DCHS2: variants seen among roughly 807,000 people sequenced by gnomAD.
DCHS2 encodes dachsous cadherin-related 2.
DCHS2 carries 142 observed loss-of-function variants against 182.4 expected under a neutral mutation model. The observed-to-expected ratio is 0.78, with a 90% confidence interval of 0.68 to 0.89. The LOEUF (loss-of-function observed/expected upper bound fraction) is 0.89. Ranked by LOEUF, DCHS2 falls within the 40% of genes least tolerant of loss-of-function variation. The pLI, the probability that DCHS2 is intolerant of heterozygous loss-of-function variation, is 0.00. For missense variants in DCHS2, 4,319 were observed against 4,198.6 expected, an observed-to-expected ratio of 1.03 and a Z score of -0.79; for synonymous variants, 1,740 against 1,663.3, an observed-to-expected ratio of 1.05 and a Z score of -1.12.
chr4:154,446,277 T>C (rs1193031349), intron 1 of DCHS2, among the ~76,000 whole-genome samples: 2 of 152,216 alleles, frequency 1.3e-5, no homozygotes, highest in African/African-American at 4.8e-5. Flanking sequence ...CATGAATCAA[T>C]ACATCCTTGA....
At position 154,491,617 on chromosome 4, in the gene DCHS2, C is replaced by G. The variant is rs1179521546; in HGVS notation, c.-262G>C. 1.5e-6 allele frequency: 2 copies of G among 1,322,196 alleles called. No homozygotes were observed. The highest frequency in any genetic ancestry group is 1.5e-5 in the African/African-American group (1 of 65,932). The allele number at this position is 1,322,196 out of a possible 1,614,324, so 81.9% of individuals were successfully genotyped here. A position where few individuals can be genotyped will look rare whatever the true frequency, so the allele number is the denominator to read the frequency against. ...TCTTCTGCCCCTGGATTTCTTTAAA[C>G]GAATCTCATCTCTTTTTCTCTCTCC... On this transcript the variant is annotated 5_prime_UTR_variant, in exon 1 of 20. Coordinates refer to ENST00000357232, the MANE Select transcript of DCHS2 (RefSeq NM_001358235.2).
intron 1 of DCHS2, among the ~76,000 whole-genome samples, chr4:154,459,059 G>A (rs141711256): frequency 5.6e-4 from 86 of 152,294 alleles, no homozygotes; most frequent in African/African-American, 2.0e-3. Context: ...AGAAGATAAT[G>A]TCTTTGCAGT....
At chr4:154,306,501 T>TA (rs1323800075) in intron 10 of DCHS2, among the ~76,000 whole-genome samples, 6 of 152,174 alleles carry the variant, frequency 3.9e-5, no homozygotes, top group Admixed American at 3.9e-4. Context: ...GCCTACATTA[T>TA]AAAAATGGGA....
intron 1 of DCHS2, among the ~76,000 whole-genome samples, chr4:154,390,370 G>T (rs1432312874): frequency 6.7e-6 from 1 of 149,114 alleles, no homozygotes; most frequent in Non-Finnish European, 1.5e-5. Context: ...GCGGTGTTTG[G>T]TTTTTTGTTC....
At chr4:154,248,656 C>T (rs532085272) in intron 16 of DCHS2, among the ~76,000 whole-genome samples, 82 of 54,502 alleles carry the variant, frequency 1.5e-3, no homozygotes, top group African/African-American at 2.3e-3. Flanking sequence ...AGAAGAAAGC[C>T]GGAGGCACCA....
chr4:154,298,727 A>G lies in DCHS2; in HGVS notation c.5606-19T>C, dbSNP rs1735075995. 2.0e-6 allele frequency: 3 copies of G among 1,534,030 alleles called. No homozygotes were observed. Among genetic ancestry groups the G allele is most frequent in the Non-Finnish European group, 1.7e-6 (2 of 1,143,168 alleles). On this transcript the variant is annotated intron_variant, in intron 12 of 19. Coordinates refer to ENST00000357232, the MANE Select transcript of DCHS2 (RefSeq NM_001358235.2). Reference sequence around the variant, plus strand: ...TTTCCATCTATTAAAGAAAACAATTACAAATTCATTTGAATTGAAAAAGTA... The same window carrying G: ...TTTCCATCTATTAAAGAAAACAATTGCAAATTCATTTGAATTGAAAAAGTA...
At chr4:154,393,735 C>T (rs899828428) in intron 1 of DCHS2, among the ~76,000 whole-genome samples, 1 of 152,080 alleles carries the variant, frequency 6.6e-6, no homozygotes, top group Admixed American at 6.6e-5. Flanking sequence ...TGTCCATGAT[C>T]CTGAAGTCTA....
At chr4:154,354,874 A>C (rs1729787498) in intron 3 of DCHS2, 1 of 152,124 alleles carries the variant, frequency 6.6e-6, no homozygotes, top group African/African-American at 2.4e-5. Context: ...CATGGCAGGC[A>C]ATCACAGAGT....
intron 13 of DCHS2, among the ~76,000 whole-genome samples, chr4:154,279,198 G>T (rs954763336): frequency 6.6e-6 from 1 of 151,802 alleles, no homozygotes; most frequent in Non-Finnish European, 1.5e-5. Flanking sequence ...ATTTTATATA[G>T]TCTCCATAGT....
intron 1 of DCHS2, among the ~76,000 whole-genome samples, chr4:154,427,332 A>C (rs1373710055): frequency 6.6e-6 from 1 of 152,146 alleles, no homozygotes; most frequent in African/African-American, 2.4e-5. Context: ...AGTTTCAGCC[A>C]CTCACAGGTG....
chr4:154,383,968 T>G (rs1209904418), intron 1 of DCHS2, among the ~76,000 whole-genome samples: 2 of 152,234 alleles, frequency 1.3e-5, no homozygotes, highest in African/African-American at 4.8e-5. Context: ...ATTTCCAGTT[T>G]TTCTATCCAT....
At chr4:154,459,960 G>A (rs1473866570) in intron 1 of DCHS2, among the ~76,000 whole-genome samples, 2 of 152,140 alleles carry the variant, frequency 1.3e-5, no homozygotes, top group Non-Finnish European at 2.9e-5. Flanking sequence ...TTCTACACCT[G>A]ATGGACCAGC....
At position 154,333,467 on chromosome 4, in the gene DCHS2, A is replaced by C. The variant is rs1389940954; in HGVS notation, c.2741T>G (p.Ile914Ser). The C allele has an allele frequency of 1.9e-6, 3 of 1,613,448 alleles. No individual in the cohort carries two copies. The highest frequency in any genetic ancestry group is 2.5e-6 in the Non-Finnish European group (3 of 1,179,612). ...CTTTCCGCCGAGATCACCAGAAGAA[A>C]TCCTGTAAAAGATTGGTTCTGAGGA... The part of the protein sequence containing the change: ...LNSSEPIFYR[I>S]SSGDLGGKFS... Residue 914 changes from isoleucine (I) to serine (S), a missense_variant, in exon 5 of 20, where the codon ATT becomes AGT. Physicochemically the swap from Ile to Ser is moderately radical, Grantham distance 142. Transcript: ENST00000357232.
Position 154,240,576 on chromosome 4 carries a change from G to C in DCHS2, c.7320C>G (p.Val2440=). 6.2e-7 allele frequency: 1 copy of C among 1,613,768 alleles called. No individual in the cohort carries two copies. The highest frequency in any genetic ancestry group is 8.5e-7 in the Non-Finnish European group (1 of 1,179,858). ...GAGAAAACACTGGTGGATTATCATTGACATCCAGCACACGGACTACAAGTG... is the reference window on the plus strand; with the variant it reads ...GAGAAAACACTGGTGGATTATCATTCACATCCAGCACACGGACTACAAGTG... ...EGALVVRVLD[V]NDNPPVFSQD... Residue 2440 remains valine, a synonymous_variant, in exon 18 of 20, where the codon GTC becomes GTG. Transcript: ENST00000357232.
At chr4:154,399,018 G>T (rs554741582) in intron 1 of DCHS2, among the ~76,000 whole-genome samples, 1 of 152,252 alleles carries the variant, frequency 6.6e-6, no homozygotes, top group South Asian at 2.1e-4. Flanking sequence ...ATCAGCACGA[G>T]CCCTCCGTGT....
intron 1 of DCHS2, among the ~76,000 whole-genome samples, chr4:154,471,486 T>C (rs879704356): frequency 2.6e-5 from 4 of 152,158 alleles, no homozygotes; most frequent in Non-Finnish European, 5.9e-5. Flanking sequence ...GTTATGTCTA[T>C]AACTGAGTTA....
intron 1 of DCHS2, among the ~76,000 whole-genome samples, chr4:154,488,372 C>T (rs1462244040): frequency 6.6e-6 from 1 of 152,068 alleles, no homozygotes; most frequent in Admixed American, 6.6e-5. Context: ...CCCTCAGAGT[C>T]CTGAAAGCAT....
chr4:154,314,440 CTT>C (rs1735777068), intron 10 of DCHS2, among the ~76,000 whole-genome samples: 1 of 152,146 alleles, frequency 6.6e-6, no homozygotes, highest in Non-Finnish European at 1.5e-5. Context: ...GGACTCAACT[CTT>C]AGAAAAACTC....
chr4:154,350,523 C>T (rs1729560038), intron 3 of DCHS2, among the ~76,000 whole-genome samples: 1 of 152,126 alleles, frequency 6.6e-6, no homozygotes, highest in Admixed American at 6.5e-5. Flanking sequence ...ACACACAAAA[C>T]AGAATCAAGG....
Sources: allele counts gnomAD v4.1 joint callset (sites outside exome capture counted in the v4.1 genomes callset), GRCh38; gene constraint gnomAD v4.1.1; transcripts MANE v1.5; gene names NCBI Gene and HGNC (gene_info 2026-07-23, HGNC 2026-07-21).